The following SHANK2 variants were observed in gnomAD, a reference collection of about 807,000 sequenced individuals.
SHANK2 encodes SH3 and multiple ankyrin repeat domains protein 2.
In SHANK2, 43 loss-of-function variants were observed where a neutral mutation model predicts 133.7. The observed-to-expected ratio is 0.32, with a 90% CI of 0.25 to 0.41. SHANK2 has a LOEUF of 0.41. Ranked by LOEUF, SHANK2 falls within the 10% of genes least tolerant of loss-of-function variation. The pLI, the probability that SHANK2 is intolerant of heterozygous loss-of-function variation, is 1.00. For missense variants in SHANK2, 1,994 were observed against 2,235.8 expected, an observed-to-expected ratio of 0.89 and a Z score of 2.18; for synonymous variants, 1,017 against 952.8, an observed-to-expected ratio of 1.07 and a Z score of -1.24.
At chr11:70,926,385 G>A (rs1313121286) in intron 10 of SHANK2, among the ~76,000 whole-genome samples, 4 of 152,132 alleles carry the variant, frequency 2.6e-5, no homozygotes, top group African/African-American at 9.7e-5. Context: ...CCAAGATGGC[G>A]CCACCGCACT....
intron 10 of SHANK2, among the ~76,000 whole-genome samples, chr11:70,950,588 A>C (rs1215200663): frequency 1.3e-5 from 2 of 151,510 alleles, no homozygotes; most frequent in African/African-American, 4.9e-5. Flanking sequence ...TCGTGCTGCC[A>C]CACCAGTGAT....
chr11:70,681,015 T>G (rs934916498), intron 15 of SHANK2, among the ~76,000 whole-genome samples: 24 of 152,174 alleles, frequency 1.6e-4, no homozygotes, highest in African/African-American at 5.5e-4. Flanking sequence ...CAGTACCCAC[T>G]TAAAAGGCAA....
chr11:70,515,408 G>A (rs546725849), intron 17 of SHANK2, among the ~76,000 whole-genome samples: 12 of 152,134 alleles, frequency 7.9e-5, no homozygotes, highest in Admixed American at 2.6e-4. Flanking sequence ...ACAGTAGACC[G>A]TCTGGACTGA....
chr11:70,595,027 G>C (rs1447058180), intron 17 of SHANK2, among the ~76,000 whole-genome samples: 1 of 152,220 alleles, frequency 6.6e-6, no homozygotes, highest in Non-Finnish European at 1.5e-5. Flanking sequence ...TTCCTGGCAG[G>C]CTTCACATCT....
At chr11:70,619,992 T>C (rs2136446278) in intron 17 of SHANK2, among the ~76,000 whole-genome samples, 1 of 152,262 alleles carries the variant, frequency 6.6e-6, no homozygotes, top group Middle Eastern at 3.4e-3. Context: ...AGAAGGACAC[T>C]TGAGGACCTT....
At chr11:70,877,210 C>T (rs1555071510) in intron 11 of SHANK2, among the ~76,000 whole-genome samples, 2 of 152,132 alleles carry the variant, frequency 1.3e-5, no homozygotes, top group African/African-American at 2.4e-5. Flanking sequence ...TAATTTGTGC[C>T]CCGCTCGCTG....
intron 5 of SHANK2, among the ~76,000 whole-genome samples, chr11:71,110,794 C>A (rs77337298): frequency 6.6e-6 from 1 of 152,162 alleles, no homozygotes; most frequent in Non-Finnish European, 1.5e-5. Flanking sequence ...ATCCCCTCAC[C>A]GTTCGCCATC....
intron 10 of SHANK2, among the ~76,000 whole-genome samples, chr11:70,937,826 G>C (rs1555083682): frequency 6.6e-6 from 1 of 152,010 alleles, no homozygotes. Context: ...ACTCAGATGG[G>C]CTCAGTCCCA....
At chr11:71,079,902 GAGGGGA>G (rs1490320159) in intron 8 of SHANK2, among the ~76,000 whole-genome samples, 12 of 77,366 alleles carry the variant, frequency 1.6e-4, no homozygotes, top group East Asian at 1.2e-3. Context: ...GAAGGAAGGG[GAGGGGA>G]GGGGAAGGAA....
chr11:70,502,403 G>A, intron 18 of SHANK2, 117 bp from the exon 19 acceptor site: 1 of 908,906 alleles, frequency 1.1e-6, no homozygotes, highest in South Asian at 1.6e-5. Context: ...GGCTGCGGTG[G>A]TCAGGGATTG....
intron 11 of SHANK2, among the ~76,000 whole-genome samples, chr11:70,833,167 C>T (rs934517364): frequency 2.6e-5 from 4 of 152,264 alleles, no homozygotes; most frequent in Admixed American, 2.0e-4. Context: ...CAGAAGCCGG[C>T]GAGTGTGGCA....
intron 15 of SHANK2, among the ~76,000 whole-genome samples, chr11:70,683,367 A>G (rs1555018792): frequency 6.6e-6 from 1 of 151,942 alleles, no homozygotes; most frequent in Non-Finnish European, 1.5e-5. Context: ...ATTCAGCAAC[A>G]TGCCCTCTTC....
intron 17 of SHANK2, among the ~76,000 whole-genome samples, chr11:70,560,074 G>A (rs2059887609): frequency 6.6e-6 from 1 of 151,996 alleles, no homozygotes; most frequent in Admixed American, 6.6e-5. Flanking sequence ...GTTTTGGCAT[G>A]TTGACCAGGC....
intron 3 of SHANK2, among the ~76,000 whole-genome samples, chr11:71,133,111 AAGAGAATGG>A (rs1952350929): frequency 6.7e-6 from 1 of 148,520 alleles, no homozygotes; most frequent in Non-Finnish European, 1.5e-5. Flanking sequence ...TTCTATAATC[AAGAGAATGG>A]ATAGATGGGT....
chr11:71,140,106 C>T (rs797023061), intron 3 of SHANK2, among the ~76,000 whole-genome samples: 11 of 152,200 alleles, frequency 7.2e-5, no homozygotes, highest in Non-Finnish European at 1.6e-4. Flanking sequence ...AGGACTCAGC[C>T]CCACAAGGGA....
chr11:70,855,337 G>A (rs1555066612), intron 11 of SHANK2, among the ~76,000 whole-genome samples: 1 of 152,206 alleles, frequency 6.6e-6, no homozygotes, highest in East Asian at 1.9e-4. Context: ...CTAGAATGTT[G>A]GGTTCTGGGC....
intron 12 of SHANK2, among the ~76,000 whole-genome samples, chr11:70,814,916 G>T (rs985313705): frequency 6.6e-6 from 1 of 150,974 alleles, no homozygotes; most frequent in East Asian, 2.0e-4. Flanking sequence ...TTCTGAACCC[G>T]GGAAGGCCAA....
chr11:71,143,621 G>C (rs1952594648), intron 3 of SHANK2, among the ~76,000 whole-genome samples: 1 of 152,162 alleles, frequency 6.6e-6, no homozygotes, highest in African/African-American at 2.4e-5. Flanking sequence ...CTGCCTACTT[G>C]TTCCTAAGGC....
At chr11:70,871,389 G>A (rs1309657017) in intron 11 of SHANK2, among the ~76,000 whole-genome samples, 56 of 152,166 alleles carry the variant, frequency 3.7e-4, no homozygotes, top group Admixed American at 3.7e-3. Context: ...GATGGGCGGG[G>A]GTGGGGAGCA....
Sources: gnomAD v4.1 joint callset for allele counts (sites outside exome capture counted in the v4.1 genomes callset) on GRCh38, gnomAD v4.1.1 for gene constraint, MANE v1.5 for transcripts, NCBI Gene and HGNC (gene_info 2026-07-23, HGNC 2026-07-21) for gene names.